The following MORN1 variants were observed in gnomAD, a reference collection of about 807,000 sequenced individuals.
MORN1 encodes the protein MORN repeat-containing protein 1.
In MORN1, 67 loss-of-function variants were observed where a neutral mutation model predicts 61.9. That is an observed-to-expected ratio of 1.08 (90% confidence interval 0.89 to 1.33). MORN1 has a LOEUF of 1.33. Among genes scored for constraint, MORN1 ranks in the 40% most tolerant of loss-of-function variants. The pLI is 0.00. For missense variants in MORN1, 752 were observed against 691.2 expected (o/e 1.09, Z -0.99); for synonymous variants, 301 against 292.0 (o/e 1.03, Z -0.31).
At chr1:2,338,433 G>A (rs1641326751) in intron 10 of MORN1, among the ~76,000 whole-genome samples, 1 of 152,124 alleles carries the variant, frequency 6.6e-6, no homozygotes, top group African/African-American at 2.4e-5. Context: ...TGGTTTCCAC[G>A]TGGACTGCAC....
rs1462482720 is a variant in MORN1 at position 2,332,028 on chromosome 1, C to CCCGCCGCTGCGCCTCTG, written c.1250+4440_1250+4441insCAGAGGCGCAGCGGCGG. ...GCGCCTCTCCCGCCGCTGCGCCTCT[C>CCCGCCGCTGCGCCTCTG]CCGAAATTACAGGCTGGTGTGTCAC... On this transcript the variant is annotated intron_variant, in intron 12 of 13. Coordinates refer to ENST00000378531, the MANE Select transcript of MORN1 (RefSeq NM_024848.3). 3.5e-5 allele frequency: 6 copies of CCCGCCGCTGCGCCTCTG among 172,850 alleles called. 1 individual carries two copies. The highest frequency in any genetic ancestry group is 7.4e-5 in the Non-Finnish European group (6 of 80,706). The allele number at this position is 172,850 out of a possible 1,614,324, so 10.7% of individuals were successfully genotyped here.
chr1:2,349,898 A>G, intron 10 of MORN1, among the ~76,000 whole-genome samples: 1 of 152,218 alleles, frequency 6.6e-6, no homozygotes, highest in East Asian at 1.9e-4. Flanking sequence ...ATGAAAAAAA[A>G]GAAGAAAAGA....
intron 10 of MORN1, among the ~76,000 whole-genome samples, chr1:2,356,787 C>G (rs1025011021): frequency 2.0e-5 from 3 of 152,182 alleles, no homozygotes; most frequent in Non-Finnish European, 4.4e-5. Flanking sequence ...GTGCACTGCT[C>G]GCTGCACCGG....
intron 6 of MORN1, chr1:2,378,639 G>A (rs12032766): frequency 6.7e-6 from 2 of 297,070 alleles, no homozygotes; most frequent in South Asian, 3.1e-5. Context: ...TACAGCCAGG[G>A]ATGCCCGGAG....
At chr1:2,385,121 T>C (rs1251268998) in intron 5 of MORN1, 56 bp from the exon 6 acceptor site, 2 of 1,524,486 alleles carry the variant, frequency 1.3e-6, no homozygotes, top group African/African-American at 2.7e-5. Context: ...GTGGTGGCAG[T>C]GACTCAGACC....
At chr1:2,355,129 A>G in intron 10 of MORN1, 6 of 1,087,804 alleles carry the variant, frequency 5.5e-6, no homozygotes, top group Non-Finnish European at 5.6e-6. Flanking sequence ...GCTGGTTTCA[A>G]TCGAGACTTT....
At chr1:2,390,147 A>G in intron 1 of MORN1, 151 bp from the exon 2 acceptor site, 1 of 715,238 alleles carries the variant, frequency 1.4e-6, no homozygotes, top group Non-Finnish European at 2.4e-6. Context: ...TGTGGGGCTC[A>G]TGAGCTCTCC....
At chr1:2,354,430 G>A (rs1641715883) in intron 10 of MORN1, among the ~76,000 whole-genome samples, 1 of 152,130 alleles carries the variant, frequency 6.6e-6, no homozygotes, top group Non-Finnish European at 1.5e-5. Context: ...AGCCGGGCAC[G>A]GTGGCTCGTG....
chr1:2,391,378 G>C (rs1253103875), intron 1 of MORN1, 80 bp downstream of exon 1: 3 of 1,237,394 alleles, frequency 2.4e-6, no homozygotes, highest in Non-Finnish European at 3.1e-6. Flanking sequence ...GAGCATTTGG[G>C]GGTCGAGGGC....
chr1:2,376,259 C>T (rs1274072989), intron 6 of MORN1: 1 of 152,374 alleles, frequency 6.6e-6, no homozygotes, highest in Non-Finnish European at 1.5e-5. Context: ...TCTTGAGGGT[C>T]CCTTCCTGGG....
chr1:2,379,919 C>A (rs1210384985), intron 6 of MORN1, among the ~76,000 whole-genome samples: 1 of 152,196 alleles, frequency 6.6e-6, no homozygotes, highest in Non-Finnish European at 1.5e-5. Flanking sequence ...TTGAAGAGTT[C>A]TCTGTGCAGC....
Position 2,372,857 on chromosome 1 carries a change from T to C in MORN1, c.635-266A>G, listed in dbSNP as rs946257686. Among the ~76,000 whole-genome samples the C allele has an allele frequency of 6.6e-6, 1 of 152,312 alleles. No individual in the cohort carries two copies. The highest frequency in any genetic ancestry group is 1.5e-5 in the Non-Finnish European group (1 of 68,020). On this transcript the variant is annotated intron_variant, in intron 7 of 13. Transcript: ENST00000378531. This position sits in a 1 kb window ranked among gnomAD's most constrained non-coding sequence, Gnocchi z 5.4. ...AGTGGACCACCGGGGCCACGGAGCA[T>C]GCAAGAGACACAAGTGGGCGGTGTG...
intron 12 of MORN1, among the ~76,000 whole-genome samples, chr1:2,331,171 G>A (rs970990465): frequency 4.6e-5 from 7 of 152,206 alleles, no homozygotes; most frequent in African/African-American, 9.7e-5. Flanking sequence ...AGCCCCAGGT[G>A]GACATGGGGC....
chr1:2,324,850 T>G (rs1233149208), intron 12 of MORN1, among the ~76,000 whole-genome samples: 2 of 151,964 alleles, frequency 1.3e-5, no homozygotes, highest in Non-Finnish European at 2.9e-5. Context: ...GGACAGCGCC[T>G]CGGGGCACCC....
chr1:2,344,930 C>T (rs1263713580), intron 10 of MORN1, among the ~76,000 whole-genome samples: 1 of 152,234 alleles, frequency 6.6e-6, no homozygotes, highest in African/African-American at 2.4e-5. Flanking sequence ...CGTCAGCCCC[C>T]GCGAGGGTCC....
chr1:2,337,722 T>C lies in MORN1; in HGVS notation c.1037-872A>G, dbSNP rs1036112985. 2.0e-5 allele frequency among the ~76,000 whole-genome samples: 3 copies of C among 152,046 alleles called. No individual in the cohort carries two copies. Among genetic ancestry groups the C allele is most frequent in the African/African-American group, 7.2e-5 (3 of 41,398 alleles). ...CACCGCTGCCCCGAGGGCCCCCCAC[T>C]TGCACACACCACTGGGAGGAGGTGC... On this transcript the variant is annotated intron_variant, in intron 10 of 13. Transcript: ENST00000378531. The surrounding 1 kb of genome is among the most constrained non-coding windows in gnomAD (Gnocchi z 5.7).
chr1:2,353,824 C>T (rs1641702726), intron 10 of MORN1, among the ~76,000 whole-genome samples: 1 of 152,152 alleles, frequency 6.6e-6, no homozygotes, highest in Admixed American at 6.5e-5. Flanking sequence ...CTGTGAAGGC[C>T]ACATGTTGGG....
At chr1:2,364,842 C>T (rs1380402954) in intron 8 of MORN1, among the ~76,000 whole-genome samples, 1 of 152,000 alleles carries the variant, frequency 6.6e-6, no homozygotes, top group African/African-American at 2.4e-5. Flanking sequence ...GCTTGTTTTT[C>T]TCAGGTTTGT....
At chr1:2,325,085 A>T (rs1217057925) in intron 12 of MORN1, among the ~76,000 whole-genome samples, 1 of 116,608 alleles carries the variant, frequency 8.6e-6, no homozygotes, top group Non-Finnish European at 1.8e-5. Flanking sequence ...AATACATCTT[A>T]CTTTCTTCTT....
Sources: allele counts gnomAD v4.1 joint callset (sites outside exome capture counted in the v4.1 genomes callset), GRCh38; gene constraint gnomAD v4.1.1; non-coding constraint Gnocchi (gnomAD v3.1); transcripts MANE v1.5; gene names NCBI Gene and HGNC (gene_info 2026-07-23, HGNC 2026-07-21).